PAK5: variants seen among roughly 807,000 people sequenced by gnomAD.
The protein encoded by PAK5 is serine/threonine-protein kinase PAK 5.
PAK5 carries 16 observed loss-of-function variants against 65.9 expected under a neutral mutation model. That is an observed-to-expected ratio of 0.24 (90% CI 0.16 to 0.37). The LOEUF is 0.37. Among genes scored for constraint, PAK5 ranks in the 10% least tolerant of loss-of-function variants. PAK5 has a pLI of 1.00. For missense variants in PAK5, 785 were observed against 903.9 expected, an observed-to-expected ratio of 0.87 and a Z score of 1.69; for synonymous variants, 371 against 354.9, an observed-to-expected ratio of 1.05 and a Z score of -0.51.
chr20:9,695,859 AC>A (rs1372769021), intron 2 of PAK5, among the ~76,000 whole-genome samples: 9 of 140,312 alleles, frequency 6.4e-5, no homozygotes, highest in Admixed American at 2.3e-4. Flanking sequence ...ATAAAAACCA[AC>A]CCTCAGCATA....
At chr20:9,589,156 A>G (rs2046121430) in intron 3 of PAK5, among the ~76,000 whole-genome samples, 1 of 152,232 alleles carries the variant, frequency 6.6e-6, no homozygotes, top group Non-Finnish European at 1.5e-5. Context: ...AATATAGCTC[A>G]GGAGGTTAAT....
At chr20:9,678,121 T>C (rs1364406598) in intron 2 of PAK5, among the ~76,000 whole-genome samples, 2 of 152,230 alleles carry the variant, frequency 1.3e-5, no homozygotes, top group African/African-American at 4.8e-5. Flanking sequence ...GACTCATTTT[T>C]TCCAAAATAG....
chr20:9,627,607 T>C (rs1294509580), intron 3 of PAK5, among the ~76,000 whole-genome samples: 1 of 152,124 alleles, frequency 6.6e-6, no homozygotes, highest in Non-Finnish European at 1.5e-5. Flanking sequence ...ATTTTTCCAT[T>C]CAATGTTTTT....
intron 2 of PAK5, among the ~76,000 whole-genome samples, chr20:9,672,616 C>T (rs546219554): frequency 2.8e-4 from 43 of 152,120 alleles, no homozygotes; most frequent in African/African-American, 9.9e-4. Flanking sequence ...GAAGCCTCCT[C>T]GGCCATGTGG....
chr20:9,616,227 G>A (rs544066919), intron 3 of PAK5, among the ~76,000 whole-genome samples: 33 of 152,328 alleles, frequency 2.2e-4, no homozygotes, highest in Non-Finnish European at 2.9e-4. Context: ...CATGCATGAT[G>A]TCAAATACAG....
chr20:9,582,745 T>C (rs1736562382), intron 3 of PAK5, among the ~76,000 whole-genome samples: 1 of 152,144 alleles, frequency 6.6e-6, no homozygotes, highest in Non-Finnish European at 1.5e-5. Flanking sequence ...ACAGGAGACT[T>C]GCTTATTTGC....
At chr20:9,563,158 T>A in intron 5 of PAK5, 134 bp from the exon 6 acceptor site, 1 of 807,678 alleles carries the variant, frequency 1.2e-6, no homozygotes, top group Non-Finnish European at 2.0e-6. Flanking sequence ...GAAAATCTAT[T>A]ACAGACAAAA....
chr20:9,700,272 G>A (rs1048057128), intron 2 of PAK5, among the ~76,000 whole-genome samples: 3 of 152,230 alleles, frequency 2.0e-5, no homozygotes, highest in South Asian at 2.1e-4. Context: ...TTAGCTGGAC[G>A]TGATGGAAAG....
intron 2 of PAK5, among the ~76,000 whole-genome samples, chr20:9,648,731 T>G (rs1456829990): frequency 1.3e-5 from 2 of 152,174 alleles, no homozygotes. Context: ...ACTGGAGATT[T>G]AGAATCTCAA....
chr20:9,713,063 C>T (rs148051576), intron 1 of PAK5, among the ~76,000 whole-genome samples: 105 of 152,116 alleles, frequency 6.9e-4, no homozygotes, highest in African/African-American at 2.5e-3. Flanking sequence ...AGGAAACAAT[C>T]GACAAAGTTA....
rs190292086 is a variant in PAK5 at position 9,745,715 on chromosome 20, G to A, written c.-161-34280C>T. Among the ~76,000 whole-genome samples, 154 of 152,134 alleles carry A rather than the reference G, an allele frequency of 1.0e-3. 1 individual carries two copies. The highest frequency in any genetic ancestry group is 3.6e-3 in the African/African-American group (151 of 41,530). ...GACCCAAAAATCTGCATTTTAACATGCTTTTGGTGATACCAATGCTGCCAC... is the reference window on the plus strand; with the variant it reads ...GACCCAAAAATCTGCATTTTAACATACTTTTGGTGATACCAATGCTGCCAC... On this transcript the variant is annotated intron_variant, in intron 1 of 9. Transcript: ENST00000353224.
intron 3 of PAK5, among the ~76,000 whole-genome samples, chr20:9,582,252 A>G (rs1373080317): frequency 6.6e-6 from 1 of 152,160 alleles, no homozygotes; most frequent in Non-Finnish European, 1.5e-5. Flanking sequence ...CATCCAGGAT[A>G]GTTCATTACA....
chr20:9,808,940 A>G (rs1384243101), intron 1 of PAK5, among the ~76,000 whole-genome samples: 2 of 152,186 alleles, frequency 1.3e-5, no homozygotes, highest in Non-Finnish European at 2.9e-5. Context: ...AACAGAAGGT[A>G]ATGCAATCTG....
chr20:9,781,103 T>A (rs570770575), intron 1 of PAK5, among the ~76,000 whole-genome samples: 121 of 152,310 alleles, frequency 7.9e-4, no homozygotes, highest in South Asian at 2.7e-3. Context: ...AATACAACTG[T>A]ATAGCATTTG....
intron 2 of PAK5, among the ~76,000 whole-genome samples, chr20:9,648,046 G>T (rs192318937): frequency 1.3e-5 from 2 of 152,258 alleles, no homozygotes; most frequent in East Asian, 3.8e-4. Context: ...ACCTACTAGG[G>T]CACTAAAAGT....
chr20:9,667,365 G>T (rs577032543), intron 2 of PAK5, among the ~76,000 whole-genome samples: 2 of 144,520 alleles, frequency 1.4e-5, no homozygotes. Flanking sequence ...GCCAGTCTGT[G>T]TTCAGGCCCT....
chr20:9,733,416 T>C (rs1430877973), intron 1 of PAK5, among the ~76,000 whole-genome samples: 1 of 136,564 alleles, frequency 7.3e-6, no homozygotes, highest in African/African-American at 2.7e-5. Context: ...TTTCTTTCTT[T>C]CTTCTCTCTC....
chr20:9,559,164 A>G (rs1275445560), intron 6 of PAK5, among the ~76,000 whole-genome samples: 1 of 152,102 alleles, frequency 6.6e-6, no homozygotes, highest in East Asian at 1.9e-4. Flanking sequence ...TGCCTAACTC[A>G]TCTATGTGCA....
At chr20:9,619,758 G>A (rs1346811054) in intron 3 of PAK5, among the ~76,000 whole-genome samples, 1 of 152,106 alleles carries the variant, frequency 6.6e-6, no homozygotes, top group Non-Finnish European at 1.5e-5. Flanking sequence ...CCCTGCTGTG[G>A]GACAGTCATT....
Sources: gnomAD v4.1 joint callset for allele counts (sites outside exome capture counted in the v4.1 genomes callset) on GRCh38, gnomAD v4.1.1 for gene constraint, MANE v1.5 for transcripts, NCBI Gene and HGNC (gene_info 2026-07-23, HGNC 2026-07-21) for gene names.